SANBR: variants seen among roughly 807,000 people sequenced by gnomAD.
SANBR encodes SANT and BTB domain regulator of class switch recombination.
SANBR carries 77 observed loss-of-function variants against 101.8 expected under a neutral mutation model. That is an observed-to-expected ratio of 0.76 (90% CI 0.63 to 0.91). The LOEUF is 0.91. SANBR is among the 40% of genes least tolerant of loss of function. The probability of loss-of-function intolerance (pLI) is 0.00; values close to 1 mark genes in which losing one functional copy is unlikely to be tolerated. For synonymous variants in SANBR, 279 were observed against 274.7 expected, an observed-to-expected ratio of 1.02 and a Z score of -0.15; for missense variants, 875 against 853.0, an observed-to-expected ratio of 1.03 and a Z score of -0.32.
At chr2:61,075,203 T>C (rs184020917) in intron 5 of SANBR, 4 of 152,496 alleles carry the variant, frequency 2.6e-5, no homozygotes, top group Admixed American at 2.6e-4. Context: ...CTCTTCCTTT[T>C]GTAATGACAT....
At chr2:61,108,558 G>T (rs1001668343) in intron 15 of SANBR, among the ~76,000 whole-genome samples, 1 of 152,058 alleles carries the variant, frequency 6.6e-6, no homozygotes, top group African/African-American at 2.4e-5. Context: ...ATAATCCATA[G>T]ATCTAGTTAA....
chr2:61,071,876 T>G lies in SANBR; in HGVS notation c.337+84T>G. The G allele has an allele frequency of 4.8e-6, 4 of 831,696 alleles. No individual in the cohort carries two copies. The South Asian group carries it at 6.7e-5, about 14-fold the overall frequency. 51.5% of individuals were successfully genotyped at this position (831,696 alleles called of 1,614,324 possible). On this transcript the variant is annotated intron_variant, in intron 4 of 21. Coordinates refer to ENST00000402291, the MANE Select transcript of SANBR (RefSeq NM_001129993.3). ...ATATTCCAATCAACTTTTCTTTCTT[T>G]GTTTAAAGGCTAATATAAACATTAA... is the stretch of plus-strand genomic sequence containing the variant.
At chr2:61,134,253 A>C (rs1684778847) in exon 21 of SANBR, 1 of 1,574,598 alleles carries the variant, frequency 6.4e-7, no homozygotes, top group African/African-American at 1.3e-5. Flanking sequence ...ACATGAAAGG[A>C]CTTGGAATAC....
intron 13 of SANBR, among the ~76,000 whole-genome samples, chr2:61,104,339 G>A (rs554184699): frequency 3.3e-5 from 5 of 152,076 alleles, no homozygotes; most frequent in African/African-American, 4.8e-5. Flanking sequence ...AAAATTAGCC[G>A]GGCGTGGTGG....
intron 8 of SANBR, among the ~76,000 whole-genome samples, chr2:61,084,528 C>T (rs183301763): frequency 2.6e-5 from 4 of 152,250 alleles, no homozygotes; most frequent in Admixed American, 2.6e-4. Flanking sequence ...CACTGCACTC[C>T]AGCCTGGGCA....
In SANBR at chr2:61,077,588, GAAA is replaced by G. The variant is rs968483647; in HGVS notation, c.670+439_670+441del. ...CAGTACATAGTTACATAGTTAATAAGAAAAAAAAAAAGAAAAGAAAAAAATCTA... is the reference window on the plus strand; with the variant it reads ...CAGTACATAGTTACATAGTTAATAAGAAAAAAAAGAAAAGAAAAAAATCTA... On this transcript the variant is annotated intron_variant, in intron 6 of 21. Transcript: ENST00000402291. Among the ~76,000 whole-genome samples, 7 of 134,598 alleles carry G rather than the reference GAAA, an allele frequency of 5.2e-5. No individual in the cohort carries two copies. In the East Asian group the frequency reaches 1.3e-3, roughly 24 times the overall value. 88.3% of individuals were successfully genotyped at this position (134,598 alleles called of 152,430 possible).
rs554833095 is a variant in SANBR at position 61,132,326 on chromosome 2, GAA to G, written c.2029-1807_2029-1806del. ...AATGCCTACAACTCAACATTTAAAA[GAA>G]AAATAACCCAATTTTTAAAATGGTG... On this transcript the variant is annotated intron_variant, in intron 20 of 21. Transcript: ENST00000295031. 1.0e-3 allele frequency among the ~76,000 whole-genome samples: 159 copies of G among 152,184 alleles called. 1 individual carries two copies. The highest frequency in any genetic ancestry group is 3.8e-3 in the African/African-American group (157 of 41,542).
intron 20 of SANBR, among the ~76,000 whole-genome samples, chr2:61,119,975 C>T (rs1684256130): frequency 6.6e-6 from 1 of 151,846 alleles, no homozygotes; most frequent in Non-Finnish European, 1.5e-5. Context: ...AGGGAAAAAC[C>T]CATACCAAGT....
rs1682602819 is a variant in SANBR, at chr2:61,089,060, C to T, written c.1088+592C>T. 3 of 974,328 alleles carry T rather than the reference C, an allele frequency of 3.1e-6. No individual in the cohort carries two copies. In the South Asian group the frequency reaches 1.4e-4, roughly 46 times the overall value. The allele number at this position is 974,328 out of a possible 1,614,324, so 60.4% of individuals were successfully genotyped here. On this transcript the variant is annotated intron_variant, in intron 10 of 21. Transcript: ENST00000402291. ...TATTCTGGTTAGTGCCTTTAAAATGCTCTCTTTTCACTAACAGATTTTAGT... is the reference window on the plus strand; with the variant it reads ...TATTCTGGTTAGTGCCTTTAAAATGTTCTCTTTTCACTAACAGATTTTAGT...
At chr2:61,117,057 C>CAAAA in intron 17 of SANBR, 3 of 316,662 alleles carry the variant, frequency 9.5e-6, no homozygotes, top group Non-Finnish European at 1.8e-5. Context: ...ACCCTGTCTT[C>CAAAA]AAAAAAAAAA....
chr2:61,086,469 A>G (rs964827166), intron 8 of SANBR, among the ~76,000 whole-genome samples: 12 of 152,164 alleles, frequency 7.9e-5, no homozygotes, highest in South Asian at 6.2e-4. Flanking sequence ...AGGCTACCCA[A>G]TATTTAGAGA....
intron 4 of SANBR, 151 bp downstream of exon 4, chr2:61,071,943 G>A (rs1681496620): frequency 1.7e-6 from 1 of 580,556 alleles, no homozygotes; most frequent in African/African-American, 2.0e-5. Context: ...GAATTTTGTT[G>A]TTTTTTCTTT....
At chr2:61,070,621 C>G in intron 3 of SANBR, 121 bp downstream of exon 3, 1 of 716,448 alleles carries the variant, frequency 1.4e-6, no homozygotes, top group Non-Finnish European at 2.2e-6. Flanking sequence ...TGTATTAACA[C>G]TGAATAGACA....
At chr2:61,106,441 C>G (rs1683571636) in intron 13 of SANBR, 122 bp from the exon 14 acceptor site, 1 of 590,164 alleles carries the variant, frequency 1.7e-6, no homozygotes, top group Admixed American at 3.5e-5. Flanking sequence ...ACGTGATATC[C>G]TTATACTCAG....
At chr2:61,085,250 A>G (rs1682360753) in intron 8 of SANBR, among the ~76,000 whole-genome samples, 1 of 152,138 alleles carries the variant, frequency 6.6e-6, no homozygotes, top group Admixed American at 6.5e-5. Flanking sequence ...TGCCTCCCTA[A>G]AAGTGGTGAA....
downstream of SANBR, among the ~76,000 whole-genome samples, chr2:61,128,533 C>T (rs1684584177): frequency 6.6e-6 from 1 of 151,804 alleles, no homozygotes. Context: ...GCTCTTCTTG[C>T]CCAGGCTGGA....
chr2:61,066,042 G>C lies in SANBR; in HGVS notation c.-147+15G>C, dbSNP rs1009155499. The stretch of plus-strand genomic sequence containing the variant: ...GCCCTGTGGAGGTGAGCGAGACGCC[G>C]AGGGGGCTCGGGTGCCCACCGCGGG... On this transcript the variant is annotated intron_variant, in intron 1 of 21. Coordinates refer to ENST00000402291, the MANE Select transcript of SANBR (RefSeq NM_001129993.3). 1 of 152,146 alleles carries C rather than the reference G, an allele frequency of 6.6e-6. No homozygotes were observed. The highest frequency in any genetic ancestry group is 2.4e-5 in the African/African-American group (1 of 41,422). 9.4% of individuals were successfully genotyped at this position (152,146 alleles called of 1,614,324 possible). A position where few individuals can be genotyped will look rare whatever the true frequency, so the allele number is the denominator to read the frequency against.
chr2:61,137,320 C>T (rs1684881961), intron 21 of SANBR: 1 of 151,988 alleles, frequency 6.6e-6, no homozygotes, highest in East Asian at 1.9e-4. Context: ...AAATGTTTCT[C>T]CTTTTAGTAA....
intron 15 of SANBR, among the ~76,000 whole-genome samples, chr2:61,108,772 G>C (rs1683687625): frequency 6.6e-6 from 1 of 152,086 alleles, no homozygotes; most frequent in African/African-American, 2.4e-5. Flanking sequence ...AGGGCACAGA[G>C]ATGCAGGAAA....
Sources: allele counts gnomAD v4.1 joint callset (sites outside exome capture counted in the v4.1 genomes callset), GRCh38; gene constraint gnomAD v4.1.1; transcripts MANE v1.5; gene names NCBI Gene and HGNC (gene_info 2026-07-23, HGNC 2026-07-21).